Variants in C1orf21 observed in about 807,000 individuals in gnomAD.
C1orf21 encodes chromosome 1 open reading frame 21.
Under a neutral mutation model 18.7 loss-of-function variants are expected in C1orf21, and 3 were observed. That is an observed-to-expected ratio of 0.16 (90% CI 0.07 to 0.42). The LOEUF is 0.42. Among genes scored for constraint, C1orf21 ranks in the 10% least tolerant of loss-of-function variants. The probability of loss-of-function intolerance (pLI) is 0.99; values close to 1 mark genes in which losing one functional copy is unlikely to be tolerated. For missense variants in C1orf21, 104 were observed against 143.6 expected (o/e 0.72, Z 1.41); for synonymous variants, 41 against 46.4 (o/e 0.88, Z 0.47).
intron 2 of C1orf21, among the ~76,000 whole-genome samples, chr1:184,490,755 A>G (rs1386344792): frequency 6.6e-6 from 1 of 152,184 alleles, no homozygotes; most frequent in Non-Finnish European, 1.5e-5. Flanking sequence ...ACCTCAGGTT[A>G]GATGATTATG....
At chr1:184,582,671 G>T (rs993537098) in intron 3 of C1orf21, among the ~76,000 whole-genome samples, 4 of 152,204 alleles carry the variant, frequency 2.6e-5, no homozygotes, top group African/African-American at 9.6e-5. Flanking sequence ...ACCTTACAGG[G>T]CAACAGCTTT....
intron 3 of C1orf21, among the ~76,000 whole-genome samples, chr1:184,576,787 G>A (rs962350231): frequency 6.6e-6 from 1 of 152,176 alleles, no homozygotes; most frequent in African/African-American, 2.4e-5. Context: ...CCACTCTTGT[G>A]ACTTTCCTGC....
chr1:184,466,011 A>G (rs932537832), intron 1 of C1orf21, among the ~76,000 whole-genome samples: 5 of 150,460 alleles, frequency 3.3e-5, no homozygotes, highest in Middle Eastern at 3.4e-3. Flanking sequence ...GCTTGTCACT[A>G]TGGTCTCTTT....
chr1:184,414,236 T>G (rs1656410663), intron 1 of C1orf21, among the ~76,000 whole-genome samples: 1 of 152,112 alleles, frequency 6.6e-6, no homozygotes, highest in Admixed American at 6.5e-5. Flanking sequence ...GCTCAAGCGA[T>G]CCTCCCTCTT....
At chr1:184,502,868 A>C (rs1025060794) in intron 2 of C1orf21, among the ~76,000 whole-genome samples, 2 of 151,850 alleles carry the variant, frequency 1.3e-5, no homozygotes, top group African/African-American at 2.4e-5. Flanking sequence ...GCTTGGGTCC[A>C]GGAGTTTAAG....
At position 184,445,343 on chromosome 1, in the gene C1orf21, CCTCTCTCTCT is replaced by C. The variant is rs57710614; in HGVS notation, c.-124-32021_-124-32012del. 1.6e-4 allele frequency among the ~76,000 whole-genome samples: 22 copies of C among 134,890 alleles called. No homozygotes were observed. In the South Asian group the frequency reaches 2.4e-3, roughly 15 times the overall value. 88.5% of individuals were successfully genotyped at this position (134,890 alleles called of 152,430 possible). A position where few individuals can be genotyped will look rare whatever the true frequency, so the allele number is the denominator to read the frequency against. ...TGTAAAACCACGCCCTTTTTTCAGA[CCTCTCTCTCT>C]CTCTCTCTCTCTCTCTCTCTCGCAA... On this transcript the variant is annotated intron_variant, in intron 1 of 5. Coordinates refer to ENST00000235307, the MANE Select transcript of C1orf21 (RefSeq NM_030806.4).
chr1:184,535,980 T>C (rs1009055262), intron 3 of C1orf21, among the ~76,000 whole-genome samples: 3 of 152,254 alleles, frequency 2.0e-5, no homozygotes, highest in Admixed American at 6.5e-5. Context: ...ATGATGTGGT[T>C]CTTATCATTA....
intron 1 of C1orf21, among the ~76,000 whole-genome samples, chr1:184,400,707 G>C (rs1000476427): frequency 2.6e-4 from 39 of 151,334 alleles, no homozygotes; most frequent in Middle Eastern, 3.4e-3. Flanking sequence ...TGTTGTTGTT[G>C]ATGGGGGTTT....
chr1:184,484,612 C>T (rs967288863), intron 2 of C1orf21, among the ~76,000 whole-genome samples: 1 of 152,202 alleles, frequency 6.6e-6, no homozygotes, highest in African/African-American at 2.4e-5. Flanking sequence ...TCAGGTTGGG[C>T]ACTGACTGAA....
chr1:184,491,849 A>G (rs1283370303), intron 2 of C1orf21, among the ~76,000 whole-genome samples: 2 of 152,234 alleles, frequency 1.3e-5, no homozygotes. Context: ...AAAAGTAAAG[A>G]TAGGAAATAA....
At chr1:184,551,343 G>A (rs1248339896) in intron 3 of C1orf21, among the ~76,000 whole-genome samples, 1 of 152,126 alleles carries the variant, frequency 6.6e-6, no homozygotes, top group Admixed American at 6.5e-5. Context: ...AAACCACAAG[G>A]GAAAGAATTC....
chr1:184,412,111 T>A (rs1656364767), intron 1 of C1orf21: 1 of 152,244 alleles, frequency 6.6e-6, no homozygotes, highest in Non-Finnish European at 1.5e-5. Context: ...GTTATTTTAG[T>A]TCCCTTACCC....
chr1:184,549,393 T>C lies in C1orf21; in HGVS notation c.190-41346T>C, dbSNP rs181419404. ...ATCACCCGAAATCTTCAAATCTGTT[T>C]ATTTGCATTTGTCTTCTCAGTCAAC... On this transcript the variant is annotated intron_variant, in intron 3 of 5. Transcript: ENST00000235307. Among the ~76,000 whole-genome samples, 999 of 152,354 alleles carry C rather than the reference T, an allele frequency of 6.6e-3. 4 individuals carry two copies. The highest frequency in any genetic ancestry group is 0.01 in the Non-Finnish European group (707 of 68,038).
At chr1:184,517,540 C>G (rs147305843) in intron 3 of C1orf21, among the ~76,000 whole-genome samples, 4,307 of 115,288 alleles carry the variant, frequency 0.037, 188 homozygotes, top group African/African-American at 0.14. Flanking sequence ...TGAAAGAAAC[C>G]AACAAGAGTG....
intron 3 of C1orf21, among the ~76,000 whole-genome samples, chr1:184,523,124 T>C (rs1658328027): frequency 6.6e-6 from 1 of 152,230 alleles, no homozygotes; most frequent in African/African-American, 2.4e-5. Context: ...GTAGATAGTC[T>C]ACCCTTGAGG....
At chr1:184,473,384 G>A (rs972327522) in intron 1 of C1orf21, among the ~76,000 whole-genome samples, 3 of 152,088 alleles carry the variant, frequency 2.0e-5, no homozygotes, top group African/African-American at 7.2e-5. Context: ...CTCTCTAAGC[G>A]CTGTGGTTTC....
At chr1:184,464,032 G>A (rs950198683) in intron 1 of C1orf21, among the ~76,000 whole-genome samples, 1 of 152,186 alleles carries the variant, frequency 6.6e-6, no homozygotes. Context: ...AGTACATAGT[G>A]GGATTAGTAG....
chr1:184,574,000 G>A (rs1417633300), intron 3 of C1orf21, among the ~76,000 whole-genome samples: 3 of 151,986 alleles, frequency 2.0e-5, no homozygotes, highest in Non-Finnish European at 4.4e-5. Context: ...TTTGAGACCA[G>A]CCTAGCCAAC....
At chr1:184,473,095 T>C (rs1657518503) in intron 1 of C1orf21, among the ~76,000 whole-genome samples, 1 of 152,206 alleles carries the variant, frequency 6.6e-6, no homozygotes, top group Admixed American at 6.5e-5. Flanking sequence ...GGGAGGGGTT[T>C]ACACAAAGCC....
Sources: allele counts gnomAD v4.1 joint callset (sites outside exome capture counted in the v4.1 genomes callset), GRCh38; gene constraint gnomAD v4.1.1; transcripts MANE v1.5; gene names NCBI Gene and HGNC (gene_info 2026-07-23, HGNC 2026-07-21).